ZFHX3: variants seen among roughly 807,000 people sequenced by gnomAD.
ZFHX3 encodes the protein zinc finger homeobox protein 3.
A neutral mutation model predicts 279.1 loss-of-function variants in ZFHX3; 42 were observed. The ratio of observed to expected loss-of-function variants is 0.15; its 90% CI spans 0.12 to 0.19. The LOEUF is 0.19. Ranked by LOEUF, ZFHX3 falls within the 10% of genes least tolerant of loss-of-function variation. The pLI is 1.00. For missense variants in ZFHX3, 4,981 were observed against 4,754.0 expected, an observed-to-expected ratio of 1.05 and a Z score of -1.40; for synonymous variants, 2,293 against 1,957.8, an observed-to-expected ratio of 1.17 and a Z score of -4.52.
intron 2 of ZFHX3, among the ~76,000 whole-genome samples, chr16:73,479,141 C>G (rs539436667): frequency 6.6e-6 from 1 of 152,290 alleles, no homozygotes; most frequent in East Asian, 1.9e-4. Context: ...CCTATCCACC[C>G]TCCCTTCCTT....
In ZFHX3 at chr16:73,213,357, C is replaced by T. The variant is rs1437921414; in HGVS notation, c.-1104+43690G>A. On this transcript the variant is annotated intron_variant, in intron 5 of 17. Coordinates refer to the ZFHX3 transcript ENST00000641206. ...TGCCTCACCAAGTTTTCCTTTCCTTCTCTTTTCTCTCAACTGTAAGCACCA... is the reference window on the plus strand; with the variant it reads ...TGCCTCACCAAGTTTTCCTTTCCTTTTCTTTTCTCTCAACTGTAAGCACCA... Among the ~76,000 whole-genome samples the T allele has an allele frequency of 5.3e-5, 8 of 152,192 alleles. No individual in the cohort carries two copies. The East Asian group carries it at 1.3e-3, about 26-fold the overall frequency.
intron 1 of ZFHX3, among the ~76,000 whole-genome samples, chr16:73,707,699 C>A (rs2053318499): frequency 1.3e-5 from 2 of 151,132 alleles, no homozygotes; most frequent in Non-Finnish European, 2.9e-5. Context: ...ATGTGACAAA[C>A]CTGCACGTTG....
chr16:73,673,014 T>C (rs77645541), intron 2 of ZFHX3, among the ~76,000 whole-genome samples: 2,297 of 152,286 alleles, frequency 0.015, 49 homozygotes, highest in African/African-American at 0.053. Flanking sequence ...GGAAACATCA[T>C]ATTGAGTGAA....
intron 3 of ZFHX3, among the ~76,000 whole-genome samples, chr16:73,343,124 T>C (rs59666439): frequency 0.046 from 7,050 of 152,224 alleles, 446 homozygotes; most frequent in East Asian, 0.3. Context: ...TGAAGACATG[T>C]TTTTTTCTTT....
intron 3 of ZFHX3, among the ~76,000 whole-genome samples, chr16:73,447,386 C>T (rs535451149): frequency 1.5e-4 from 23 of 152,128 alleles, no homozygotes; most frequent in African/African-American, 5.5e-4. Context: ...TGCTTTTAAC[C>T]ATACCCTGAA....
At chr16:73,281,012 A>AGGAG (rs1555507732) in intron 4 of ZFHX3, among the ~76,000 whole-genome samples, 10 of 92,910 alleles carry the variant, frequency 1.1e-4, no homozygotes, top group Non-Finnish European at 1.8e-4. Flanking sequence ...AATGAAGGGA[A>AGGAG]AGGAGAGGAG....
At position 72,798,403 on chromosome 16, in the gene ZFHX3, C is replaced by T. The variant is rs2035988124; in HGVS notation, c.4279G>A (p.Ala1427Thr). 3 of 1,614,112 alleles carry T rather than the reference C, an allele frequency of 1.9e-6. No homozygotes were observed. The highest frequency in any genetic ancestry group is 2.5e-6 in the Non-Finnish European group (3 of 1,180,058). The change falls in exon 9 of 10, where the codon GCT (alanine) becomes ACT (threonine). Residue 1427 changes from alanine to threonine, a missense_variant. Physicochemically the swap from Ala to Thr is moderately conservative, Grantham distance 58. Around this residue, in one of 7 missense-constraint regions of ZFHX3, gnomAD observed 1,751 missense variants for 1,770.0 expected, o/e 0.99. Transcript: ENST00000268489. ...QLHSQYHVIR[A>T]ATMCCLCQRS... ...TGACAAAGACAGCACATGGTGGCAGCTCTGATCACATGGTACTGAGAATGG... is the reference window on the plus strand; with the variant it reads ...TGACAAAGACAGCACATGGTGGCAGTTCTGATCACATGGTACTGAGAATGG...
exon 1 of ZFHX3, chr16:73,058,696 T>TGGCGGCGGCGGCGGC (rs552488803): frequency 4.8e-5 from 8 of 168,138 alleles, no homozygotes; most frequent in South Asian, 2.1e-4. Context: ...GACGCGCTGC[T>TGGCGGCGGCGGCGGC]GGCGGCGGCG....
chr16:73,424,339 T>A (rs748974738), intron 3 of ZFHX3, among the ~76,000 whole-genome samples: 3 of 152,166 alleles, frequency 2.0e-5, no homozygotes, highest in Non-Finnish European at 4.4e-5. Flanking sequence ...ACTCAGTGCC[T>A]CATAAGGAGA....
intron 2 of ZFHX3, among the ~76,000 whole-genome samples, chr16:73,629,998 A>C (rs551573860): frequency 9.7e-4 from 148 of 152,338 alleles, no homozygotes; most frequent in Non-Finnish European, 1.9e-3. Context: ...CATTTGGCTA[A>C]TGAGTCACTA....
chr16:73,598,755 ACT>A (rs2052079841), intron 2 of ZFHX3, among the ~76,000 whole-genome samples: 1 of 150,594 alleles, frequency 6.6e-6, no homozygotes, highest in Non-Finnish European at 1.5e-5. Context: ...TTCTTCAAAT[ACT>A]CTCTTTTTTG....
At position 73,195,066 on chromosome 16, in the gene ZFHX3, C is replaced by A. The variant is rs144899562; in HGVS notation, c.-1103-51235G>T. ...ACAAGAGTTTCATTTTCAGGTTAGA[C>A]AGAAGCATATTTCAAGTCTCTCCAA... On this transcript the variant is annotated intron_variant, in intron 5 of 17. Transcript: ENST00000641206. Among the ~76,000 whole-genome samples the A allele has an allele frequency of 5.2e-3, 789 of 152,280 alleles. 5 individuals are homozygous for A. Among genetic ancestry groups the A allele is most frequent in the Non-Finnish European group, 6.7e-3 (458 of 68,016 alleles).
At chr16:73,675,184 T>C (rs1240146057) in intron 2 of ZFHX3, among the ~76,000 whole-genome samples, 2 of 152,050 alleles carry the variant, frequency 1.3e-5, no homozygotes, top group African/African-American at 4.8e-5. Flanking sequence ...CTTGTGAGAC[T>C]TTCCTGGTTC....
At chr16:73,037,526 C>T (rs1003695467) in intron 1 of ZFHX3, among the ~76,000 whole-genome samples, 1 of 152,166 alleles carries the variant, frequency 6.6e-6, no homozygotes, top group South Asian at 2.1e-4. Context: ...AAGCTGACCT[C>T]AGAGATGAAA....
At chr16:73,058,032 T>G (rs1377866255) in intron 1 of ZFHX3, among the ~76,000 whole-genome samples, 1 of 140,780 alleles carries the variant, frequency 7.1e-6, no homozygotes, top group African/African-American at 2.6e-5. Flanking sequence ...GACCCCCCCA[T>G]ACTCCCCCCA....
At chr16:73,425,845 G>T (rs535807677) in intron 3 of ZFHX3, among the ~76,000 whole-genome samples, 14 of 152,096 alleles carry the variant, frequency 9.2e-5, no homozygotes, top group African/African-American at 3.4e-4. Flanking sequence ...ACCACTACCA[G>T]ATTAAGGGAC....
At chr16:73,623,315 C>T (rs1254722980) in intron 2 of ZFHX3, among the ~76,000 whole-genome samples, 1 of 152,090 alleles carries the variant, frequency 6.6e-6, no homozygotes, top group Non-Finnish European at 1.5e-5. Flanking sequence ...GGATTACAGG[C>T]TTGAGCCACT....
intron 2 of ZFHX3, among the ~76,000 whole-genome samples, chr16:73,653,217 A>T (rs1487934632): frequency 6.6e-6 from 1 of 152,188 alleles, no homozygotes; most frequent in African/African-American, 2.4e-5. Flanking sequence ...AGAAGATTTA[A>T]ATAACATGAT....
intron 2 of ZFHX3, among the ~76,000 whole-genome samples, chr16:73,495,790 G>A (rs1004495680): frequency 2.0e-5 from 3 of 152,166 alleles, no homozygotes; most frequent in African/African-American, 7.2e-5. Context: ...TGGCCAAGTG[G>A]CTAAATGCAG....
Sources: allele counts gnomAD v4.1 joint callset (sites outside exome capture counted in the v4.1 genomes callset), GRCh38; gene constraint gnomAD v4.1.1; regional missense constraint gnomAD v4.1.1; transcripts MANE v1.5; gene names NCBI Gene and HGNC (gene_info 2026-07-23, HGNC 2026-07-21).